The following NIPBL variants were observed in gnomAD, a reference collection of about 807,000 sequenced individuals.
NIPBL encodes nipped-B-like protein.
A neutral mutation model predicts 321.8 loss-of-function variants in NIPBL; 19 were observed. The observed-to-expected ratio is 0.06, with a 90% CI of 0.04 to 0.09. The LOEUF (loss-of-function observed/expected upper bound fraction) is 0.09, where lower values mean the gene tolerates loss of function less well. Ranked by LOEUF, NIPBL falls within the 10% of genes least tolerant of loss-of-function variation. The pLI, the probability that NIPBL is intolerant of heterozygous loss-of-function variation, is 1.00. For synonymous variants in NIPBL, 1,106 were observed against 1,114.1 expected (o/e 0.99, Z 0.14); for missense variants, 2,210 against 3,327.0 (o/e 0.66, Z 8.26).
chr5:36,884,098 CAT>C (rs1358905867), intron 1 of NIPBL, among the ~76,000 whole-genome samples: 2 of 152,074 alleles, frequency 1.3e-5, no homozygotes, highest in Admixed American at 6.5e-5. Flanking sequence ...GAAAGACACA[CAT>C]GACATACGCT....
chr5:36,982,717 G>T (rs928479348), intron 9 of NIPBL, among the ~76,000 whole-genome samples: 10 of 151,638 alleles, frequency 6.6e-5, no homozygotes, highest in Non-Finnish European at 1.3e-4. Flanking sequence ...TTGGATTGAG[G>T]TTAATAATAT....
At chr5:36,918,532 A>G (rs923775468) in intron 1 of NIPBL, among the ~76,000 whole-genome samples, 16 of 152,034 alleles carry the variant, frequency 1.1e-4, no homozygotes, top group African/African-American at 3.6e-4. Context: ...CTCCTGCCTG[A>G]TTGCCCTGGC....
At chr5:36,902,137 C>T (rs1747281513) in intron 1 of NIPBL, among the ~76,000 whole-genome samples, 1 of 151,000 alleles carries the variant, frequency 6.6e-6, no homozygotes, top group African/African-American at 2.4e-5. Flanking sequence ...TGTTTAGATT[C>T]CTTACAGATT....
chr5:36,971,199 T>TTGTGACCTGTAGC (rs1561094836), intron 7 of NIPBL, among the ~76,000 whole-genome samples, 163 bp downstream of exon 7: 1 of 152,002 alleles, frequency 6.6e-6, no homozygotes, highest in Non-Finnish European at 1.5e-5. Flanking sequence ...TAGAGCAGGA[T>TTGTGACCTGTAGC]TGGTCAAGTG....
chr5:37,008,754 T>G (rs1747738822), intron 20 of NIPBL, 31 bp downstream of exon 20: 1 of 1,036,472 alleles, frequency 9.6e-7, no homozygotes, highest in Non-Finnish European at 1.5e-6. Context: ...TCAAGTTTAA[T>G]GAAGAACCAC....
intron 43 of NIPBL, 93 bp downstream of exon 43, chr5:37,057,425 T>C: frequency 8.2e-7 from 1 of 1,222,930 alleles, no homozygotes; most frequent in East Asian, 2.3e-5. Context: ...TTTTATCCTC[T>C]TCACGAGTAT....
At chr5:36,963,980 T>A (rs199797268) in intron 6 of NIPBL, among the ~76,000 whole-genome samples, 10 of 152,302 alleles carry the variant, frequency 6.6e-5, no homozygotes, top group East Asian at 5.8e-4. Context: ...CATGAATGTG[T>A]GTAAAACAGA....
chr5:37,038,874 G>A, intron 34 of NIPBL, 136 bp downstream of exon 34: 1 of 931,562 alleles, frequency 1.1e-6, no homozygotes, highest in African/African-American at 1.7e-5. Flanking sequence ...ACTATTTGTA[G>A]CAAGTGATCT....
intron 21 of NIPBL, among the ~76,000 whole-genome samples, chr5:37,012,639 G>A (rs1748304304): frequency 2.0e-5 from 3 of 151,972 alleles, no homozygotes; most frequent in South Asian, 2.1e-4. Flanking sequence ...TGTGTCCCTG[G>A]GTACTTGAGA....
chr5:37,040,817 G>T (rs1010223543), intron 34 of NIPBL, among the ~76,000 whole-genome samples: 12 of 152,160 alleles, frequency 7.9e-5, no homozygotes, highest in Admixed American at 2.6e-4. Context: ...CTTTTGGAAA[G>T]CTGTATGTGA....
In NIPBL at chr5:37,044,617, C is replaced by T. The variant is rs759823415; in HGVS notation, c.6250-19C>T. The T allele has an allele frequency of 6.2e-7, 1 of 1,604,484 alleles. No individual in the cohort carries two copies. The highest frequency in any genetic ancestry group is 8.5e-7 in the Non-Finnish European group (1 of 1,172,776). On this transcript the variant is annotated intron_variant, in intron 35 of 46. Coordinates refer to ENST00000282516, the MANE Select transcript of NIPBL (RefSeq NM_133433.4). ...AGTATATTTTTAACTTTTATCTAAA[C>T]ATTTTCTATATCTTTTAGGTAGTGC...
chr5:36,916,959 A>G (rs908060559), intron 1 of NIPBL, among the ~76,000 whole-genome samples: 2 of 152,178 alleles, frequency 1.3e-5, no homozygotes, highest in African/African-American at 4.8e-5. Context: ...CGCAATAAAC[A>G]TACGTGTGCA....
intron 1 of NIPBL, among the ~76,000 whole-genome samples, chr5:36,887,398 C>T (rs751605563): frequency 6.6e-6 from 1 of 152,150 alleles, no homozygotes; most frequent in Admixed American, 6.5e-5. Context: ...TAGTGAATAA[C>T]AGTCACAGCC....
intron 37 of NIPBL, 149 bp from the exon 38 acceptor site, chr5:37,045,960 A>G (rs1326682299): frequency 1.6e-6 from 1 of 608,028 alleles, no homozygotes; most frequent in East Asian, 2.8e-5. Flanking sequence ...TTTGAATGCC[A>G]CTGTTCTAAA....
In NIPBL at chr5:36,975,934, G is replaced by T; in HGVS notation, c.1027G>T (p.Ala343Ser). 1 of 1,613,740 alleles carries T rather than the reference G, an allele frequency of 6.2e-7. No homozygotes were observed. Among genetic ancestry groups the T allele is most frequent in the Middle Eastern group, 1.6e-4 (1 of 6,062 alleles). ...TGAAAAAGAGCAGAGTGAGAAAGCG[G>T]CAATGTATGATATAATTAGTTCTCC... is the stretch of plus-strand genomic sequence containing the variant. ...KDEKEQSEKA[A>S]MYDIISSPSK... is the part of the protein sequence containing the mutation. Residue 343 changes from alanine to serine, a missense_variant, in exon 9 of 47, where the codon GCA (alanine) becomes TCA (serine). Transcript: ENST00000282516.
intron 1 of NIPBL, among the ~76,000 whole-genome samples, chr5:36,931,396 C>T (rs1749764192): frequency 6.6e-6 from 1 of 151,922 alleles, no homozygotes; most frequent in South Asian, 2.1e-4. Flanking sequence ...CGGCTCACTG[C>T]AGCCTCTGCC....
chr5:37,017,778 T>C (rs11951309), intron 24 of NIPBL, among the ~76,000 whole-genome samples: 273 of 152,138 alleles, frequency 1.8e-3, no homozygotes, highest in Admixed American at 2.9e-3. Flanking sequence ...AATTTTTTTT[T>C]AGCTATAGTT....
At chr5:36,978,079 G>A (rs1474725844) in intron 9 of NIPBL, among the ~76,000 whole-genome samples, 2 of 151,968 alleles carry the variant, frequency 1.3e-5, no homozygotes, top group Non-Finnish European at 2.9e-5. Context: ...GAGTGCAGGT[G>A]TCTTTTTTAT....
intron 45 of NIPBL, among the ~76,000 whole-genome samples, chr5:37,063,411 T>C (rs1412766339): frequency 6.6e-6 from 1 of 152,250 alleles, no homozygotes; most frequent in East Asian, 1.9e-4. Context: ...AGAAAATGTC[T>C]ATCAGTAATT....
Sources: allele counts gnomAD v4.1 joint callset (sites outside exome capture counted in the v4.1 genomes callset), GRCh38; gene constraint gnomAD v4.1.1; transcripts MANE v1.5; gene names NCBI Gene and HGNC (gene_info 2026-07-23, HGNC 2026-07-21).